The following CFAP299 variants were observed in gnomAD, a reference collection of about 807,000 sequenced individuals.
The protein encoded by CFAP299 is cilia- and flagella-associated protein 299.
CFAP299 carries 21 observed loss-of-function variants against 27.0 expected under a neutral mutation model. The observed-to-expected ratio is 0.78, with a 90% CI of 0.55 to 1.12. The LOEUF is 1.12. CFAP299 is among the 50% of genes most tolerant of loss of function. The pLI is 0.00. For synonymous variants in CFAP299, 104 were observed against 98.1 expected (o/e 1.06, Z -0.36); for missense variants, 310 against 276.6 (o/e 1.12, Z -0.86).
chr4:80,675,071 G>A (rs545094944), intron 3 of CFAP299, among the ~76,000 whole-genome samples: 9 of 152,310 alleles, frequency 5.9e-5, no homozygotes, highest in African/African-American at 1.9e-4. Flanking sequence ...CATTGCTGGT[G>A]AGGAGCTGTG....
At chr4:80,776,974 T>C (rs1726581292) in intron 3 of CFAP299, among the ~76,000 whole-genome samples, 1 of 151,998 alleles carries the variant, frequency 6.6e-6, no homozygotes, top group African/African-American at 2.4e-5. Context: ...TCTTCCACTC[T>C]AAACACCCCC....
intron 2 of CFAP299, among the ~76,000 whole-genome samples, chr4:80,491,966 GTC>G (rs1731158080): frequency 6.6e-6 from 1 of 152,112 alleles, no homozygotes; most frequent in Admixed American, 6.5e-5. Flanking sequence ...GTCACCTATT[GTC>G]TCTAAGGGCA....
intron 2 of CFAP299, chr4:80,387,714 G>C: frequency 1.3e-6 from 2 of 1,581,822 alleles, no homozygotes; most frequent in Non-Finnish European, 1.7e-6. Flanking sequence ...TGCATTGGAA[G>C]GGCTTCTCAC....
chr4:80,526,745 A>G (rs1349559516), intron 2 of CFAP299, among the ~76,000 whole-genome samples: 2 of 152,146 alleles, frequency 1.3e-5, no homozygotes, highest in Non-Finnish European at 2.9e-5. Context: ...AAATTGACCT[A>G]TATGCATAGC....
chr4:80,500,317 G>T (rs1731678894), intron 2 of CFAP299, among the ~76,000 whole-genome samples: 1 of 152,100 alleles, frequency 6.6e-6, no homozygotes, highest in Non-Finnish European at 1.5e-5. Context: ...ATGGAAAGCA[G>T]CTTCATTCAG....
intron 3 of CFAP299, among the ~76,000 whole-genome samples, chr4:80,638,622 G>A (rs1577962835): frequency 6.6e-6 from 1 of 152,258 alleles, no homozygotes; most frequent in East Asian, 1.9e-4. Context: ...CAGTTTAACT[G>A]CCTGGATTGT....
intron 3 of CFAP299, 136 bp from the exon 4 acceptor site, chr4:80,869,857 T>C: frequency 1.3e-6 from 1 of 798,428 alleles, no homozygotes; most frequent in Non-Finnish European, 1.9e-6. Context: ...AGCTGTTCAA[T>C]GTTATAACCA....
At chr4:80,366,531 C>T (rs1723844355) in intron 2 of CFAP299, among the ~76,000 whole-genome samples, 1 of 152,168 alleles carries the variant, frequency 6.6e-6, no homozygotes, top group Non-Finnish European at 1.5e-5. Context: ...AGGCTCTGTG[C>T]TGTAGGCTCT....
chr4:80,462,410 A>G (rs1170779994), intron 2 of CFAP299, among the ~76,000 whole-genome samples: 3 of 152,076 alleles, frequency 2.0e-5, no homozygotes, highest in Non-Finnish European at 4.4e-5. Context: ...TTGCCCCACT[A>G]AGCTGTTCTT....
chr4:80,540,445 C>A (rs569954404), intron 2 of CFAP299, among the ~76,000 whole-genome samples: 49 of 152,064 alleles, frequency 3.2e-4, no homozygotes, highest in African/African-American at 1.2e-3. Context: ...AATTCATTAC[C>A]CCAAACAAGG....
At chr4:80,702,241 T>C (rs1721538831) in intron 3 of CFAP299, among the ~76,000 whole-genome samples, 1 of 151,910 alleles carries the variant, frequency 6.6e-6, no homozygotes, top group South Asian at 2.1e-4. Context: ...CATAGTTCAA[T>C]ATTTGTAAAT....
At chr4:80,961,207 G>A (rs572815479) in intron 5 of CFAP299, among the ~76,000 whole-genome samples, 60 of 151,730 alleles carry the variant, frequency 4.0e-4, no homozygotes, top group Non-Finnish European at 6.2e-4. Context: ...TAGGCATATT[G>A]TTAGTTAGTA....
intron 1 of CFAP299, among the ~76,000 whole-genome samples, chr4:80,351,533 A>G (rs1255385443): frequency 1.3e-5 from 2 of 152,270 alleles, no homozygotes; most frequent in Admixed American, 6.5e-5. Context: ...AACAAAAAAT[A>G]GAAAGCAAAA....
chr4:80,818,475 C>G (rs940879475), intron 3 of CFAP299, among the ~76,000 whole-genome samples: 1 of 151,924 alleles, frequency 6.6e-6, no homozygotes, highest in Non-Finnish European at 1.5e-5. Flanking sequence ...GTATTTGGCT[C>G]TGCTGCTCTA....
intron 3 of CFAP299, among the ~76,000 whole-genome samples, chr4:80,799,379 TGTATTTATATA>T (rs1305108319): frequency 1.0e-5 from 1 of 95,888 alleles, no homozygotes; most frequent in East Asian, 2.9e-4. Flanking sequence ...TATATATAAA[TGTATTTATATA>T]ATATTTATAT....
At chr4:80,660,136 A>AT (rs1740765996) in intron 3 of CFAP299, among the ~76,000 whole-genome samples, 1 of 152,168 alleles carries the variant, frequency 6.6e-6, no homozygotes, top group Non-Finnish European at 1.5e-5. Context: ...AAATCAGTTT[A>AT]CAGGGAATAG....
intron 1 of CFAP299, among the ~76,000 whole-genome samples, chr4:80,345,417 C>A: frequency 7.7e-6 from 1 of 129,590 alleles, no homozygotes; most frequent in East Asian, 2.8e-4. Flanking sequence ...AATGCTATCC[C>A]TCCCCCCTCC....
intron 4 of CFAP299, among the ~76,000 whole-genome samples, chr4:80,902,623 A>AC (rs1449823835): frequency 6.7e-6 from 1 of 149,582 alleles, no homozygotes; most frequent in Admixed American, 6.7e-5. Flanking sequence ...ACACACACAC[A>AC]CACTTTGGTG....
the CFAP299 span, among the ~76,000 whole-genome samples, chr4:80,327,282 C>G: frequency 6.6e-6 from 1 of 151,916 alleles, no homozygotes; most frequent in African/African-American, 2.4e-5. Context: ...CATGACCAAG[C>G]ATAATAGATT....
Sources: gnomAD v4.1 joint callset for allele counts (sites outside exome capture counted in the v4.1 genomes callset) on GRCh38, gnomAD v4.1.1 for gene constraint, MANE v1.5 for transcripts, NCBI Gene and HGNC (gene_info 2026-07-23, HGNC 2026-07-21) for gene names.